Variants in CSMD1 observed in about 807,000 individuals in gnomAD.
The protein encoded by CSMD1 is CUB and sushi domain-containing protein 1.
In CSMD1, 213 loss-of-function variants were observed where a neutral mutation model predicts 417.5. That is an observed-to-expected ratio of 0.51 (90% CI 0.46 to 0.57). CSMD1 has a LOEUF of 0.57. CSMD1 is among the 20% of genes least tolerant of loss of function. The pLI, the probability that CSMD1 is intolerant of heterozygous loss-of-function variation, is 0.00. For synonymous variants in CSMD1, 2,862 were observed against 1,736.8 expected, an observed-to-expected ratio of 1.65 and a Z score of -16.11; for missense variants, 6,923 against 4,529.7, an observed-to-expected ratio of 1.53 and a Z score of -15.17.
chr8:4,765,478 T>C (rs1302869165), intron 1 of CSMD1, among the ~76,000 whole-genome samples: 1 of 152,226 alleles, frequency 6.6e-6, no homozygotes, highest in Non-Finnish European at 1.5e-5. Context: ...TCAAAAAGTG[T>C]TTGCAGATGC....
chr8:3,282,061 C>G (rs973288525), intron 26 of CSMD1, among the ~76,000 whole-genome samples: 2 of 152,182 alleles, frequency 1.3e-5, no homozygotes, highest in Non-Finnish European at 2.9e-5. Flanking sequence ...GCCATGCCTT[C>G]TGTACAGCCT....
At chr8:4,174,465 T>C (rs954708155) in intron 3 of CSMD1, among the ~76,000 whole-genome samples, 3 of 151,694 alleles carry the variant, frequency 2.0e-5, no homozygotes, top group Non-Finnish European at 2.9e-5. Flanking sequence ...GTTTAAATAA[T>C]AGGTTTGGAA....
chr8:3,544,828 A>T (rs1206915848), intron 10 of CSMD1, among the ~76,000 whole-genome samples: 1 of 152,172 alleles, frequency 6.6e-6, no homozygotes, highest in Non-Finnish European at 1.5e-5. Flanking sequence ...AGGAGATGAC[A>T]AGACACGTGC....
chr8:4,340,586 G>A (rs765420706), intron 3 of CSMD1, among the ~76,000 whole-genome samples: 12 of 152,112 alleles, frequency 7.9e-5, no homozygotes, highest in Non-Finnish European at 8.8e-5. Flanking sequence ...CCACCCTGCT[G>A]ATTTCTTCAC....
chr8:4,888,816 G>C (rs571802706), intron 1 of CSMD1, among the ~76,000 whole-genome samples: 1 of 152,192 alleles, frequency 6.6e-6, no homozygotes, highest in South Asian at 2.1e-4. Flanking sequence ...AGGCCAACTT[G>C]AAGAGACTTC....
chr8:4,950,602 G>A (rs958074626), intron 1 of CSMD1, among the ~76,000 whole-genome samples: 4 of 152,072 alleles, frequency 2.6e-5, no homozygotes, highest in Non-Finnish European at 5.9e-5. Flanking sequence ...ACACATTTAA[G>A]GAAAAAGCAA....
intron 3 of CSMD1, among the ~76,000 whole-genome samples, chr8:4,181,589 G>T (rs957474440): frequency 4.1e-4 from 62 of 152,104 alleles, no homozygotes; most frequent in African/African-American, 1.4e-3. Flanking sequence ...CCACAGGATG[G>T]AAAAGCTTGC....
chr8:4,761,790 T>C (rs1391903113), intron 1 of CSMD1, among the ~76,000 whole-genome samples: 2 of 152,112 alleles, frequency 1.3e-5, no homozygotes, highest in East Asian at 1.9e-4. Context: ...TGTCTTAATA[T>C]TGTGAATAAA....
At chr8:3,717,740 T>G (rs900812009) in intron 6 of CSMD1, among the ~76,000 whole-genome samples, 2 of 152,218 alleles carry the variant, frequency 1.3e-5, no homozygotes, top group African/African-American at 4.8e-5. Context: ...ATATTTATTA[T>G]TCTGCCTTTA....
chr8:4,529,116 G>A (rs1585207452), intron 2 of CSMD1, among the ~76,000 whole-genome samples: 1 of 152,234 alleles, frequency 6.6e-6, no homozygotes, highest in South Asian at 2.1e-4. Context: ...CAAATCAGAA[G>A]CCACCAAACA....
chr8:4,938,375 C>T (rs1429681354), intron 1 of CSMD1, among the ~76,000 whole-genome samples: 1 of 152,156 alleles, frequency 6.6e-6, no homozygotes, highest in East Asian at 1.9e-4. Flanking sequence ...ATACAGCTGT[C>T]CTATAGTTAT....
chr8:4,175,373 C>G (rs1037095744), intron 3 of CSMD1, among the ~76,000 whole-genome samples: 5 of 152,238 alleles, frequency 3.3e-5, no homozygotes, highest in African/African-American at 9.6e-5. Context: ...GTGTTGGGCT[C>G]TAGTCTGATC....
chr8:3,602,128 T>A (rs905118446), intron 8 of CSMD1, among the ~76,000 whole-genome samples: 1 of 152,192 alleles, frequency 6.6e-6, no homozygotes, highest in African/African-American at 2.4e-5. Flanking sequence ...ACACTTAAAA[T>A]GGTCAGGATG....
chr8:3,101,932 G>C (rs1815786553), intron 46 of CSMD1, among the ~76,000 whole-genome samples: 1 of 151,450 alleles, frequency 6.6e-6, no homozygotes, highest in South Asian at 2.1e-4. Flanking sequence ...CTCCAGAGCA[G>C]CTGGGATTAC....
intron 2 of CSMD1, among the ~76,000 whole-genome samples, chr8:4,533,556 T>C (rs1328230338): frequency 1.3e-5 from 2 of 152,194 alleles, no homozygotes; most frequent in Non-Finnish European, 2.9e-5. Flanking sequence ...TGGGAATTTT[T>C]TTTTCAGTTT....
intron 1 of CSMD1, among the ~76,000 whole-genome samples, chr8:4,778,136 TAATATA>T (rs1349492229): frequency 6.6e-6 from 1 of 152,146 alleles, no homozygotes. Flanking sequence ...ATGTATAAAT[TAATATA>T]AATATACATT....
chr8:3,371,972 A>T (rs1011325966), intron 18 of CSMD1, among the ~76,000 whole-genome samples: 1 of 152,224 alleles, frequency 6.6e-6, no homozygotes, highest in African/African-American at 2.4e-5. Context: ...AGCATCAGGG[A>T]TGATTAATAA....
At chr8:4,067,847 G>A (rs7017832) in intron 3 of CSMD1, among the ~76,000 whole-genome samples, 1 of 151,972 alleles carries the variant, frequency 6.6e-6, no homozygotes, top group Non-Finnish European at 1.5e-5. Flanking sequence ...GGGAGGCCGA[G>A]GTGGGCGGAT....
At chr8:3,865,596 C>T (rs1345513086) in intron 5 of CSMD1, among the ~76,000 whole-genome samples, 1 of 152,166 alleles carries the variant, frequency 6.6e-6, no homozygotes, top group Admixed American at 6.5e-5. Context: ...TGCCTCTCAT[C>T]AGCAAAGCGC....
Sources: gnomAD v4.1 joint callset for allele counts (sites outside exome capture counted in the v4.1 genomes callset) on GRCh38, gnomAD v4.1.1 for gene constraint, MANE v1.5 for transcripts, NCBI Gene and HGNC (gene_info 2026-07-23, HGNC 2026-07-21) for gene names.